Variants in UBE3A observed in about 807,000 individuals in gnomAD.
UBE3A encodes ubiquitin protein ligase E3A.
In UBE3A, 6 loss-of-function variants were observed where a neutral mutation model predicts 83.4. That is an observed-to-expected ratio of 0.07 (90% CI 0.04 to 0.14). The LOEUF is 0.14. UBE3A is among the 10% of genes least tolerant of loss of function. The pLI is 1.00. For missense variants in UBE3A, 456 were observed against 1,036.1 expected (o/e 0.44, Z 7.69); for synonymous variants, 337 against 355.4 (o/e 0.95, Z 0.58).
At chr15:25,360,265 C>T (rs1299892732) in intron 7 of UBE3A, 118 bp downstream of exon 7, 1 of 1,353,154 alleles carries the variant, frequency 7.4e-7, no homozygotes, top group Non-Finnish European at 1.0e-6. Context: ...TCTGGGTAAT[C>T]CATACCAAAT....
intron 1 of UBE3A, among the ~76,000 whole-genome samples, chr15:25,421,341 C>T (rs1889744588): frequency 6.6e-6 from 1 of 152,190 alleles, no homozygotes; most frequent in Admixed American, 6.5e-5. Flanking sequence ...CAGCCTGCAG[C>T]ACCAGGGGCC....
intron 2 of UBE3A, among the ~76,000 whole-genome samples, chr15:25,411,067 T>C (rs1331107944): frequency 6.6e-6 from 1 of 152,214 alleles, no homozygotes; most frequent in African/African-American, 2.4e-5. Context: ...AAGTCCTCTC[T>C]TCCAGTCCCC....
intron 4 of UBE3A, among the ~76,000 whole-genome samples, chr15:25,400,132 C>T (rs1033031650): frequency 2.6e-5 from 4 of 152,188 alleles, no homozygotes; most frequent in Non-Finnish European, 4.4e-5. Flanking sequence ...AATATTAATT[C>T]TTCCAATCCA....
intron 4 of UBE3A, among the ~76,000 whole-genome samples, chr15:25,386,792 C>T (rs1171489284): frequency 6.6e-6 from 1 of 151,610 alleles, no homozygotes; most frequent in Non-Finnish European, 1.5e-5. Context: ...GTGAAATATT[C>T]ATAGTGTTGA....
Position 25,375,466 on chromosome 15 carries a change from T to G in UBE3A, c.360A>C (p.Lys120Asn). 1.2e-6 allele frequency: 2 copies of G among 1,613,994 alleles called. No homozygotes were observed. The highest frequency in any genetic ancestry group is 2.7e-5 in the African/African-American group (2 of 75,046). Residue 120 changes from lysine to asparagine, a missense_variant and splice_region_variant, in exon 5 of 13, where the codon AAA (lysine) becomes AAC (asparagine). Lys to Asn is a moderately conservative substitution (Grantham distance 94). Coordinates refer to ENST00000648336, the MANE Select transcript of UBE3A (RefSeq NM_130839.5). ...MNKKGARIDF[K>N]DVTYLTEEKV... The stretch of plus-strand genomic sequence containing the variant: ...TCAATTGAAAATAAAACATCTTACC[T>G]TTAAAATCAATTCTAGCGCCTTTCT...
At chr15:25,395,153 A>AC (rs1166614573) in intron 4 of UBE3A, among the ~76,000 whole-genome samples, 5 of 152,178 alleles carry the variant, frequency 3.3e-5, no homozygotes, top group African/African-American at 1.2e-4. Context: ...TGACAAAGAT[A>AC]CAGCCATTTT....
intron 4 of UBE3A, among the ~76,000 whole-genome samples, chr15:25,378,924 C>CTA (rs1350197358): frequency 6.6e-6 from 1 of 152,040 alleles, no homozygotes; most frequent in African/African-American, 2.4e-5. Context: ...TGTTGAGGAC[C>CTA]TATGTGCTAT....
intron 6 of UBE3A, among the ~76,000 whole-genome samples, chr15:25,366,498 T>C (rs1223949166): frequency 6.6e-6 from 1 of 152,174 alleles, no homozygotes; most frequent in Non-Finnish European, 1.5e-5. Context: ...GGGCTTTTTA[T>C]CTGTGCCAAT....
chr15:25,364,176 C>A (rs1226191579), intron 6 of UBE3A, among the ~76,000 whole-genome samples: 1 of 151,882 alleles, frequency 6.6e-6, no homozygotes, highest in East Asian at 1.9e-4. Context: ...CACTGTACTC[C>A]AGGCCTGGGT....
In UBE3A at chr15:25,371,712, A is replaced by G. The variant is rs2080312116; in HGVS notation, c.462T>C (p.Phe154=). 1 of 1,614,104 alleles carries G rather than the reference A, an allele frequency of 6.2e-7. No homozygotes were observed. The change falls in exon 6 of 13, where the codon TTT becomes TTC. Residue 154 remains phenylalanine (F), a synonymous_variant. Transcript: ENST00000648336. This position sits in a 1 kb window ranked among gnomAD's most constrained non-coding sequence, Gnocchi z 5.3. ...TCTGTACCAATGCCTCAGCACTAGA[A>G]AAAACTCTTCCAATAACACGGATTA... ...SPLIRVIGRV[F]SSAEALVQSF...
chr15:25,370,886 C>T lies in UBE3A; in HGVS notation c.1288G>A (p.Gly430Ser), dbSNP rs2080203842. ...TTTCGACAATCCAGGGTTTTAACAC[C>T]AAGTTCAGTTTCCAGGGGGTCCACT... ...PRVDPLETEL[G>S]VKTLDCRKPL... Residue 430 changes from glycine (G) to serine (S), a missense_variant, in exon 6 of 13, where the codon GGT becomes AGT. By Grantham distance (56) the Gly-to-Ser change is moderately conservative. This residue lies in a region of UBE3A where 85 missense variants were observed against 137.0 expected (regional missense o/e 0.62). Transcript: ENST00000648336. This position sits in a 1 kb window ranked among gnomAD's most constrained non-coding sequence, Gnocchi z 4.2. The T allele has an allele frequency of 3.1e-6, 5 of 1,613,988 alleles. No individual in the cohort carries two copies. The highest frequency in any genetic ancestry group is 4.2e-6 in the Non-Finnish European group (5 of 1,179,958).
intron 4 of UBE3A, among the ~76,000 whole-genome samples, chr15:25,388,276 C>A (rs2083566432): frequency 6.6e-6 from 1 of 152,162 alleles, no homozygotes; most frequent in South Asian, 2.1e-4. Flanking sequence ...TACACCAGCA[C>A]AAAGTAGGAT....
chr15:25,344,876 G>A (rs2075415637), intron 11 of UBE3A, among the ~76,000 whole-genome samples: 1 of 152,112 alleles, frequency 6.6e-6, no homozygotes, highest in African/African-American at 2.4e-5. Context: ...TTAAGGTAAT[G>A]ATACTGATAA....
Position 25,334,602 on chromosome 15 carries a change from G to T in UBE3A, c.*4535C>A, listed in dbSNP as rs61998980. 1.2e-5 allele frequency: 1 copy of T among 84,434 alleles called. No individual in the cohort carries two copies. The highest frequency in any genetic ancestry group is 2.3e-5 in the Non-Finnish European group (1 of 44,112). The allele number at this position is 84,434 out of a possible 1,614,324, so 5.2% of individuals were successfully genotyped here. A position where few individuals can be genotyped will look rare whatever the true frequency, so the allele number is the denominator to read the frequency against. ...GACCCAAAACAGACAAAATGATTTTGGGGAAAAAAAAAAAAAAAATGGAGG... is the reference window on the plus strand; with the variant it reads ...GACCCAAAACAGACAAAATGATTTTTGGGAAAAAAAAAAAAAAAATGGAGG... On this transcript the variant is annotated 3_prime_UTR_variant, in exon 13 of 13. Coordinates refer to ENST00000648336, the MANE Select transcript of UBE3A (RefSeq NM_130839.5).
Position 25,336,564 on chromosome 15 carries a change from T to TATC in UBE3A, c.*2570_*2572dup, listed in dbSNP as rs1256798532. Reference sequence around the variant, plus strand: ...AGTTTCTTTTTGATATGTATCTATCTATCTATCATCTCCCTATACAAGCAA... The same window carrying TATC: ...AGTTTCTTTTTGATATGTATCTATCTATCATCTATCATCTCCCTATACAAGCAA... On this transcript the variant is annotated 3_prime_UTR_variant, in exon 13 of 13. Coordinates refer to ENST00000648336, the MANE Select transcript of UBE3A (RefSeq NM_130839.5). The TATC allele has an allele frequency of 1.3e-5, 2 of 152,114 alleles. No homozygotes were observed. The highest frequency in any genetic ancestry group is 2.4e-5 in the African/African-American group (1 of 41,416). The allele number at this position is 152,114 out of a possible 1,614,324, so 9.4% of individuals were successfully genotyped here.
intron 4 of UBE3A, among the ~76,000 whole-genome samples, chr15:25,381,899 A>G (rs2082234213): frequency 1.3e-5 from 2 of 152,342 alleles, no homozygotes; most frequent in South Asian, 2.1e-4. Context: ...ACAATTGTGA[A>G]CTCATTAGTA....
At chr15:25,362,346 A>C (rs567407799) in intron 6 of UBE3A, among the ~76,000 whole-genome samples, 2 of 152,318 alleles carry the variant, frequency 1.3e-5, no homozygotes, top group South Asian at 4.1e-4. Flanking sequence ...ACTTTTAGAC[A>C]ATGTTTTGTT....
chr15:25,370,575 T>A lies in UBE3A; in HGVS notation c.1599A>T (p.Ala533=), dbSNP rs1447040234. The A allele has an allele frequency of 1.9e-6, 3 of 1,614,108 alleles. No homozygotes were observed. The highest frequency in any genetic ancestry group is 2.5e-6 in the Non-Finnish European group (3 of 1,179,984). ...TAGCAGCCCAACTTACCCGGACAAGTGCATCATCTATGATATGGTCACGTC... is the reference window on the plus strand; with the variant it reads ...TAGCAGCCCAACTTACCCGGACAAGAGCATCATCTATGATATGGTCACGTC... The part of the protein sequence containing the change: ...KVRRDHIIDD[A]LVRLEMIAME... Residue 533 remains alanine (A), a synonymous_variant, in exon 6 of 13, where the codon GCA becomes GCT. Coordinates refer to ENST00000648336, the MANE Select transcript of UBE3A (RefSeq NM_130839.5). The surrounding 1 kb of genome is among the most constrained non-coding windows in gnomAD (Gnocchi z 4.2).
At chr15:25,369,669 T>C (rs1178567447) in intron 6 of UBE3A, among the ~76,000 whole-genome samples, 1 of 152,158 alleles carries the variant, frequency 6.6e-6, no homozygotes, top group Non-Finnish European at 1.5e-5. Context: ...TAGCTAATAC[T>C]AGAAATACAA....
Sources: gnomAD v4.1 joint callset for allele counts (sites outside exome capture counted in the v4.1 genomes callset) on GRCh38, gnomAD v4.1.1 for gene constraint, gnomAD v4.1.1 regional missense constraint, Gnocchi (gnomAD v3.1) non-coding constraint, MANE v1.5 for transcripts, NCBI Gene and HGNC (gene_info 2026-07-23, HGNC 2026-07-21) for gene names.